GANAB: variants seen among roughly 807,000 people sequenced by gnomAD.
GANAB encodes the protein neutral alpha-glucosidase AB.
Under a neutral mutation model 129.9 loss-of-function variants are expected in GANAB, and 35 were observed. The observed-to-expected ratio is 0.27, with a 90% confidence interval of 0.21 to 0.36. The LOEUF (loss-of-function observed/expected upper bound fraction) is 0.36. GANAB is among the 10% of genes least tolerant of loss of function. The pLI is 1.00. For missense variants in GANAB, 939 were observed against 1,221.0 expected (o/e 0.77, Z 3.44); for synonymous variants, 482 against 451.8 (o/e 1.07, Z -0.85).
rs1421464223 is a variant in GANAB, at chr11:62,646,564, C to T, written c.36G>A (p.Arg12=). 7 of 1,613,684 alleles carry T rather than the reference C, an allele frequency of 4.3e-6. No individual in the cohort carries two copies. In the South Asian group the frequency reaches 6.6e-5, roughly 15 times the overall value. Reference sequence around the variant, plus strand: ...CCCCCAGATTCCGGGCTCCTCACCGCCTCCTACGCGCCGCCACTGCCGCTA... The same window carrying T: ...CCCCCAGATTCCGGGCTCCTCACCGTCTCCTACGCGCCGCCACTGCCGCTA... ...AAVAAVAARR[R]RSWASLVLAF... is the part of the protein sequence containing the mutation. Residue 12 remains arginine (R), a splice_region_variant and synonymous_variant, in exon 1 of 24, where the codon AGG becomes AGA. Transcript: ENST00000356638.
At chr11:62,638,581 AG>A (rs1944056912) in intron 4 of GANAB, among the ~76,000 whole-genome samples, 1 of 56 alleles carries the variant, frequency 0.018, no homozygotes, top group South Asian at 0.5. Flanking sequence ...AAAGGAAAGG[AG>A]GAAGGAAGGA....
chr11:62,625,995 C>A (rs1227064016), intron 23 of GANAB, 70 bp downstream of exon 23: 4 of 1,463,676 alleles, frequency 2.7e-6, no homozygotes, highest in Non-Finnish European at 3.8e-6. Flanking sequence ...TTCCTACAGG[C>A]AAGGGCATCC....
chr11:62,637,942 C>A (rs1346404635), intron 4 of GANAB, among the ~76,000 whole-genome samples: 1 of 151,462 alleles, frequency 6.6e-6, no homozygotes, highest in Non-Finnish European at 1.5e-5. Flanking sequence ...AGACCACATG[C>A]ACTAAGACAC....
intron 3 of GANAB, 54 bp from the exon 4 acceptor site, chr11:62,639,164 T>A (rs1425657694): frequency 9.4e-6 from 15 of 1,601,320 alleles, no homozygotes; most frequent in Non-Finnish European, 1.3e-5. Context: ...CACCATGGAA[T>A]GCTCTTTGAA....
chr11:62,646,496 G>T, intron 1 of GANAB, 66 bp downstream of exon 1: 2 of 1,537,162 alleles, frequency 1.3e-6, no homozygotes, highest in Non-Finnish European at 9.0e-7. Flanking sequence ...ACACAGGAAG[G>T]AGTGGAATGG....
At position 62,646,575 on chromosome 11, in the gene GANAB, C is replaced by G. The variant is rs755483091; in HGVS notation, c.25G>C (p.Ala9Pro). Residue 9 changes from alanine to proline, a missense_variant, in exon 1 of 24, where the codon GCG (alanine) becomes CCG (proline). Around this residue, in one of 5 missense-constraint regions of GANAB, gnomAD observed 321 missense variants for 329.1 expected, o/e 0.98. Coordinates refer to ENST00000356638, the MANE Select transcript of GANAB (RefSeq NM_198334.3). ...CGGGCTCCTCACCGCCTCCTACGCG[C>G]CGCCACTGCCGCTACCGCCGCCATC... MAAVAAVA[A>P]RRRRSWASLV... The G allele has an allele frequency of 1.2e-6, 2 of 1,613,750 alleles. No homozygotes were observed. Among genetic ancestry groups the G allele is most frequent in the Non-Finnish European group, 1.7e-6 (2 of 1,179,950 alleles).
chr11:62,634,674 G>A, intron 5 of GANAB, 147 bp downstream of exon 5: 1 of 700,072 alleles, frequency 1.4e-6, no homozygotes, highest in Non-Finnish European at 2.4e-6. Context: ...ACCCGGGTCT[G>A]GTTCCTACCC....
At position 62,625,934 on chromosome 11, in the gene GANAB, G is replaced by C. The variant is rs756451391; in HGVS notation, c.2726-10C>G. The C allele has an allele frequency of 6.3e-6, 10 of 1,575,614 alleles. No homozygotes were observed. In the South Asian group the frequency reaches 1.1e-4, roughly 17 times the overall value. ...CGGCTTTCTGGAGATCCTGGAGGAG[G>C]AATAAAAGAGTGCCATAGTCATACC... On this transcript the variant is annotated splice_polypyrimidine_tract_variant and intron_variant, in intron 23 of 23. Coordinates refer to ENST00000356638, the MANE Select transcript of GANAB (RefSeq NM_198334.3).
intron 5 of GANAB, chr11:62,634,264 G>C (rs1943833282): frequency 7.7e-7 from 1 of 1,299,682 alleles, no homozygotes; most frequent in Non-Finnish European, 1.1e-6. Context: ...GTGAGGAATG[G>C]GTAAGGGCAG....
intron 1 of GANAB, among the ~76,000 whole-genome samples, chr11:62,646,194 G>A (rs1019243617): frequency 5.3e-5 from 8 of 152,182 alleles, no homozygotes; most frequent in Admixed American, 6.6e-5. Flanking sequence ...TGCATTCCCC[G>A]AGGCCAGGCC....
At chr11:62,629,773 T>C in intron 14 of GANAB, 41 bp downstream of exon 14, 1 of 1,612,634 alleles carries the variant, frequency 6.2e-7, no homozygotes, top group South Asian at 1.1e-5. Flanking sequence ...CTCTGGGCTG[T>C]TTTCCCTCTT....
chr11:62,626,893 G>A lies in GANAB; in HGVS notation c.2364C>T (p.Pro788=). The change falls in exon 20 of 24, where the codon CCC becomes CCT. Residue 788 remains proline (P), a synonymous_variant. Coordinates refer to ENST00000356638, the MANE Select transcript of GANAB (RefSeq NM_198334.3). ...DIQSYQKHHG[P]QTLYLPVTLS... is the part of the protein sequence containing the mutation. ...GAGTTACAGGCAGGTACAGGGTCTG[G>A]GGACCATGATGCTTCTGGTAGCTTT... 3 of 1,612,920 alleles carry A rather than the reference G, an allele frequency of 1.9e-6. No homozygotes were observed. The highest frequency in any genetic ancestry group is 2.5e-6 in the Non-Finnish European group (3 of 1,179,016).
intron 22 of GANAB, 34 bp from the exon 23 acceptor site, chr11:62,626,199 G>GA (rs756866414): frequency 1.3e-6 from 2 of 1,487,880 alleles, no homozygotes; most frequent in South Asian, 2.3e-5. Context: ...CCATCAGGGG[G>GA]AAAAATAACA....
intron 4 of GANAB, among the ~76,000 whole-genome samples, chr11:62,635,940 A>G (rs1226668453): frequency 6.6e-6 from 1 of 151,622 alleles, no homozygotes; most frequent in African/African-American, 2.4e-5. Context: ...CCTTGATATC[A>G]TATTTCTATC....
intron 5 of GANAB, chr11:62,633,846 A>G: frequency 2.2e-6 from 1 of 451,186 alleles, no homozygotes; most frequent in Non-Finnish European, 4.0e-6. Context: ...GCCTCTACTG[A>G]GAGATTCTGG....
At position 62,626,683 on chromosome 11, in the gene GANAB, A is replaced by T; in HGVS notation, c.2399T>A (p.Ile800Asn). 2 of 1,591,898 alleles carry T rather than the reference A, an allele frequency of 1.3e-6. No individual in the cohort carries two copies. Among genetic ancestry groups the T allele is most frequent in the Non-Finnish European group, 1.7e-6 (2 of 1,164,552 alleles). Reference sequence around the variant, plus strand: ...TGTCCCTCCACGCTGGAACACAGGGATCTAGGGCAAGAGCAATGCCAGGAT... The same window carrying T: ...TGTCCCTCCACGCTGGAACACAGGGTTCTAGGGCAAGAGCAATGCCAGGAT... ...TLYLPVTLSS[I>N]PVFQRGGTIV... The change falls in exon 21 of 24, where the codon ATC becomes AAC. Residue 800 changes from isoleucine to asparagine, a missense_variant and splice_region_variant. Around this residue, in one of 5 missense-constraint regions of GANAB, gnomAD observed 230 missense variants for 259.9 expected, o/e 0.89. Transcript: ENST00000356638.
Position 62,635,010 on chromosome 11 carries a change from A to G in GANAB, c.381-10T>C, listed in dbSNP as rs371678104. On this transcript the variant is annotated splice_polypyrimidine_tract_variant and intron_variant, in intron 4 of 23. Transcript: ENST00000356638. ...ACCAGAGACAGAAAGCCTGGGAAAC[A>G]TATCAAAAGAAATATAAGGAAGTAC... 1.3e-4 allele frequency: 203 copies of G among 1,602,676 alleles called. No individual in the cohort carries two copies. Among genetic ancestry groups the G allele is most frequent in the Non-Finnish European group, 1.6e-4 (192 of 1,170,824 alleles).
In GANAB at chr11:62,625,761, T is replaced by A; in HGVS notation, c.*54A>T. On this transcript the variant is annotated 3_prime_UTR_variant, in exon 24 of 24. Coordinates refer to ENST00000356638, the MANE Select transcript of GANAB (RefSeq NM_198334.3). ...GAACTCCAAGGCAGAAGAAAGAATA[T>A]CTCTCAGCACTAATGCTCCCCTTCC... The A allele has an allele frequency of 1.8e-6, 2 of 1,095,816 alleles. No individual in the cohort carries two copies. Among genetic ancestry groups the A allele is most frequent in the Non-Finnish European group, 2.8e-6 (2 of 711,106 alleles). 67.9% of individuals were successfully genotyped at this position (1,095,816 alleles called of 1,614,324 possible). A position where few individuals can be genotyped will look rare whatever the true frequency, so the allele number is the denominator to read the frequency against.
At chr11:62,628,688 A>C (rs1943517882) in intron 17 of GANAB, 81 bp downstream of exon 17, 1 of 1,437,458 alleles carries the variant, frequency 7.0e-7, no homozygotes, top group African/African-American at 1.4e-5. Context: ...TGAGTGAAGA[A>C]AGAGACCCAG....
Sources: allele counts gnomAD v4.1 joint callset (sites outside exome capture counted in the v4.1 genomes callset), GRCh38; gene constraint gnomAD v4.1.1; regional missense constraint gnomAD v4.1.1; transcripts MANE v1.5; gene names NCBI Gene and HGNC (gene_info 2026-07-23, HGNC 2026-07-21).